TREH: variants seen among roughly 807,000 people sequenced by gnomAD.
TREH encodes the protein alpha,alpha-trehalose glucohydrolase.
TREH carries 69 observed loss-of-function variants against 80.5 expected under a neutral mutation model. That is an observed-to-expected ratio of 0.86 (90% CI 0.71 to 1.05). The LOEUF is 1.05. Among genes scored for constraint, TREH ranks in the 50% least tolerant of loss-of-function variants. The pLI is 0.00. For synonymous variants in TREH, 309 were observed against 293.5 expected (o/e 1.05, Z -0.54); for missense variants, 716 against 718.8 (o/e 1.00, Z 0.04).
chr11:118,679,453 C>G, intron 1 of TREH, 86 bp downstream of exon 1: 1 of 1,365,188 alleles, frequency 7.3e-7, no homozygotes, highest in Non-Finnish European at 9.6e-7. Context: ...TCCTTTCCCT[C>G]TGAAGTACCG....
chr11:118,658,926 C>T lies in TREH; in HGVS notation c.1524G>A (p.Gln508=). 1 of 1,613,984 alleles carries T rather than the reference C, an allele frequency of 6.2e-7. No individual in the cohort carries two copies. The highest frequency in any genetic ancestry group is 8.5e-7 in the Non-Finnish European group (1 of 1,179,872). Residue 508 remains glutamine, a synonymous_variant, in exon 13 of 15, where the codon CAG becomes CAA. Transcript: ENST00000264029. ...WIRTNFDVYS[Q]KSAMYEKYDV... ...TCACCTTCTCATACATGGCTGACTT[C>T]TGCGAGTAGACATCAAAATTGGTTC...
At position 118,661,522 on chromosome 11, in the gene TREH, A is replaced by G; in HGVS notation, c.618-13T>C. The G allele has an allele frequency of 6.2e-7, 1 of 1,613,012 alleles. No individual in the cohort carries two copies. Among genetic ancestry groups the G allele is most frequent in the Non-Finnish European group, 8.5e-7 (1 of 1,179,394 alleles). ...GACATGCCCATAGCTGCCAAGGGGA[A>G]GGCCTGCTGAGATGCCCTCTCCCCA... On this transcript the variant is annotated splice_polypyrimidine_tract_variant and intron_variant, in intron 6 of 14. Transcript: ENST00000264029. This position sits in a 1 kb window ranked among gnomAD's most constrained non-coding sequence, Gnocchi z 4.2.
At chr11:118,660,395 G>C (rs937090646) in intron 10 of TREH, 144 bp downstream of exon 10, 203 of 779,318 alleles carry the variant, frequency 2.6e-4, no homozygotes, top group Non-Finnish European at 3.9e-4. Context: ...GTACGCAAAT[G>C]TGAGTGCAGG....
At position 118,660,535 on chromosome 11, in the gene TREH, T is replaced by C; in HGVS notation, c.1102+4A>G. ...TGCTTTCCCTTCCCTACTGGGGTGCTCACCCAGCCTGGAATAGAAGTTGCT... is the reference window on the plus strand; with the variant it reads ...TGCTTTCCCTTCCCTACTGGGGTGCCCACCCAGCCTGGAATAGAAGTTGCT... On this transcript the variant is annotated splice_donor_region_variant and intron_variant, in intron 10 of 14. Transcript: ENST00000264029. 6.3e-7 allele frequency: 1 copy of C among 1,593,146 alleles called. No individual in the cohort carries two copies. Among genetic ancestry groups the C allele is most frequent in the Non-Finnish European group, 8.6e-7 (1 of 1,166,586 alleles).
At position 118,661,804 on chromosome 11, in the gene TREH, C is replaced by T. The variant is rs1949325986; in HGVS notation, c.525-75G>A. The T allele has an allele frequency of 3.7e-6, 6 of 1,602,934 alleles. No individual in the cohort carries two copies. The highest frequency in any genetic ancestry group is 5.1e-6 in the Non-Finnish European group (6 of 1,171,898). ...CACACCAGCCAGTGGGGCACTCTGC[C>T]CTGCTGAAGACACCCTGCTGGCCCT... is the stretch of plus-strand genomic sequence containing the variant. On this transcript the variant is annotated intron_variant, in intron 5 of 14. Coordinates refer to ENST00000264029, the MANE Select transcript of TREH (RefSeq NM_007180.3). This position sits in a 1 kb window ranked among gnomAD's most constrained non-coding sequence, Gnocchi z 4.2.
rs556342946 is a variant in TREH, at chr11:118,661,671, C to T, written c.583G>A (p.Gly195Ser). The part of the protein sequence containing the change: ...LLSEMAETVK[G>S]MLQNFLDLVK... ...AGGTCCAAGAAGTTCTGCAGCATGC[C>T]CTTCACCGTCTCAGCCATCTCTGAG... The change falls in exon 6 of 15, where the codon GGC becomes AGC. Residue 195 changes from glycine to serine, a missense_variant. Transcript: ENST00000264029. The surrounding 1 kb of genome is among the most constrained non-coding windows in gnomAD (Gnocchi z 4.2). 4 of 1,613,992 alleles carry T rather than the reference C, an allele frequency of 2.5e-6. No homozygotes were observed. The South Asian group carries it at 4.4e-5, about 18-fold the overall frequency.
intron 1 of TREH, among the ~76,000 whole-genome samples, chr11:118,672,375 G>A (rs955179809): frequency 6.6e-6 from 1 of 151,466 alleles, no homozygotes; most frequent in Non-Finnish European, 1.5e-5. Flanking sequence ...TCCAGCCTGG[G>A]CAACAGAGTG....
chr11:118,659,710 G>A (rs1385980655), intron 11 of TREH, 37 bp downstream of exon 11: 9 of 1,551,030 alleles, frequency 5.8e-6, no homozygotes, highest in Non-Finnish European at 7.9e-6. Context: ...GGGCGGTGCT[G>A]CCTGCAGTGG....
At chr11:118,668,959 A>T (rs1374368966) in intron 1 of TREH, among the ~76,000 whole-genome samples, 2 of 152,122 alleles carry the variant, frequency 1.3e-5, no homozygotes, top group African/African-American at 2.4e-5. Context: ...AAACTCTATT[A>T]AAAAAACTAA....
chr11:118,660,971 G>A, intron 8 of TREH, 56 bp from the exon 9 acceptor site: 5 of 1,552,374 alleles, frequency 3.2e-6, no homozygotes, highest in Non-Finnish European at 4.4e-6. Context: ...GCCCCTCTGT[G>A]GTCAAGAAGA....
rs1315111220 is a variant in TREH at position 118,659,305 on chromosome 11, C to T, written c.1432+65G>A. 15 of 1,333,916 alleles carry T rather than the reference C, an allele frequency of 1.1e-5. No homozygotes were observed. The South Asian group carries it at 2.2e-4, about 20-fold the overall frequency. 82.6% of individuals were successfully genotyped at this position (1,333,916 alleles called of 1,614,324 possible). A position where few individuals can be genotyped will look rare whatever the true frequency, so the allele number is the denominator to read the frequency against. Reference sequence around the variant, plus strand: ...GTGTCTTTTGTTCATGCCTCCCCAGCACCAGGGAGGCCCACCTCTACACCC... The same window carrying T: ...GTGTCTTTTGTTCATGCCTCCCCAGTACCAGGGAGGCCCACCTCTACACCC... On this transcript the variant is annotated intron_variant, in intron 12 of 14. Transcript: ENST00000264029.
At chr11:118,662,442 G>A (rs1390650205) in intron 4 of TREH, among the ~76,000 whole-genome samples, 1 of 152,260 alleles carries the variant, frequency 6.6e-6, no homozygotes, top group African/African-American at 2.4e-5. Flanking sequence ...CTTTCCCCAG[G>A]TGAGGGGATG....
rs960545825 is a variant in TREH, at chr11:118,674,821, C to T, written c.89+4718G>A. Among the ~76,000 whole-genome samples the T allele has an allele frequency of 1.1e-4, 17 of 152,164 alleles. No homozygotes were observed. Among genetic ancestry groups the T allele is most frequent in the Admixed American group, 6.5e-4 (10 of 15,270 alleles). ...CCTCCCAAAGTGCTGGGATTACAGG[C>T]GTGAGCCACTGCACCTGGCTGCATT... On this transcript the variant is annotated intron_variant, in intron 1 of 14. Coordinates refer to ENST00000264029, the MANE Select transcript of TREH (RefSeq NM_007180.3). The surrounding 1 kb of genome is among the most constrained non-coding windows in gnomAD (Gnocchi z 4.4).
chr11:118,658,744 G>A lies in TREH; in HGVS notation c.1546-11C>T, dbSNP rs782793910. 42 of 1,607,884 alleles carry A rather than the reference G, an allele frequency of 2.6e-5. 1 individual carries two copies. The highest frequency in any genetic ancestry group is 3.3e-5 in the South Asian group (3 of 90,464). On this transcript the variant is annotated splice_polypyrimidine_tract_variant and intron_variant, in intron 13 of 14. Transcript: ENST00000264029. ...GTTGCTGACGTCATACTGGGGACAA[G>A]CGGGTGGGCTGTATGTCAGGTACTG...
rs782803808 is a variant in TREH, at chr11:118,659,817, T to C, written c.1250A>G (p.Asn417Ser). The change falls in exon 11 of 15, where the codon AAC becomes AGC. Residue 417 changes from asparagine to serine, a missense_variant. Physicochemically the swap from Asn to Ser is conservative, Grantham distance 46 (BLOSUM62 1). Coordinates refer to ENST00000264029, the MANE Select transcript of TREH (RefSeq NM_007180.3). ...ACACCCGGCCCAGAGTGGAGTGAGG[T>C]TGGATGGGTAAAACTCCCGGTTTTT... The part of the protein sequence containing the change: ...KKKNREFYPS[N>S]LTPLWAGCFS... 2.5e-6 allele frequency: 4 copies of C among 1,576,540 alleles called. 1 individual carries two copies. The Admixed American group carries it at 7.4e-5, about 29-fold the overall frequency.
chr11:118,658,714 C>T lies in TREH; in HGVS notation c.1565G>A (p.Gly522Glu), dbSNP rs782359019. ...MYEKYDVSNG[G>E]QPGGGGEYEV... ...ATATTCTCCTCCCCCACCGGGCTGT[C>T]CACCGTTGCTGACGTCATACTGGGG... The change falls in exon 14 of 15, where the codon GGA (glycine) becomes GAA (glutamate). Residue 522 changes from glycine (G) to glutamate (E), a missense_variant. Gly to Glu is a moderately conservative substitution (Grantham distance 98). Transcript: ENST00000264029. The T allele has an allele frequency of 6.9e-6, 11 of 1,604,486 alleles. No individual in the cohort carries two copies. Among genetic ancestry groups the T allele is most frequent in the Non-Finnish European group, 8.5e-6 (10 of 1,175,456 alleles).
chr11:118,662,764 G>A, intron 4 of TREH, 117 bp downstream of exon 4: 1 of 1,191,544 alleles, frequency 8.4e-7, no homozygotes. Context: ...AGGGGCCAGG[G>A]ACTGGTTTCT....
chr11:118,659,855 A>C lies in TREH; in HGVS notation c.1212T>G (p.Leu404=). The C allele has an allele frequency of 6.4e-7, 1 of 1,555,372 alleles. No individual in the cohort carries two copies. Among genetic ancestry groups the C allele is most frequent in the East Asian group, 2.4e-5 (1 of 41,322 alleles). Residue 404 remains leucine (L), a synonymous_variant, in exon 11 of 15, where the codon CTT becomes CTG. Transcript: ENST00000264029. ...EQTGAWFDYD[L]EKKKKNREFY... is the part of the protein sequence containing the mutation. ...ACTCCCGGTTTTTCTTCTTCTTCTC[A>C]AGGTCGTAATCGAACCAGGCTCCGG...
At chr11:118,679,389 A>G (rs1180075047) in intron 1 of TREH, 150 bp downstream of exon 1, 1 of 1,062,508 alleles carries the variant, frequency 9.4e-7, no homozygotes, top group Non-Finnish European at 1.3e-6. Context: ...AGCCTGCTAC[A>G]TAGGAATTCT....
Sources: allele counts gnomAD v4.1 joint callset (sites outside exome capture counted in the v4.1 genomes callset), GRCh38; gene constraint gnomAD v4.1.1; non-coding constraint Gnocchi (gnomAD v3.1); transcripts MANE v1.5; gene names NCBI Gene and HGNC (gene_info 2026-07-23, HGNC 2026-07-21).